RBM47: variants seen among roughly 807,000 people sequenced by gnomAD.
The protein encoded by RBM47 is RNA binding motif protein 47.
A neutral mutation model predicts 47.1 loss-of-function variants in RBM47; 21 were observed. The ratio of observed to expected loss-of-function variants is 0.45; its 90% CI spans 0.32 to 0.64. The LOEUF (loss-of-function observed/expected upper bound fraction) is 0.64, where lower values mean the gene tolerates loss of function less well. Ranked by LOEUF, RBM47 falls within the 30% of genes least tolerant of loss-of-function variation. The probability of loss-of-function intolerance (pLI) is 0.05; values close to 1 mark genes in which losing one functional copy is unlikely to be tolerated. For missense variants in RBM47, 708 were observed against 870.9 expected (o/e 0.81, Z 2.35); for synonymous variants, 375 against 361.7 (o/e 1.04, Z -0.42).
Position 40,436,195 on chromosome 4 carries a change from C to CA in RBM47, c.1330+245dup, listed in dbSNP as rs1346563465. Among the ~76,000 whole-genome samples, 13 of 46,346 alleles carry CA rather than the reference C, an allele frequency of 2.8e-4. 1 individual carries two copies. Among genetic ancestry groups the CA allele is most frequent in the South Asian group, 9.1e-4 (1 of 1,102 alleles). 30.4% of individuals were successfully genotyped at this position (46,346 alleles called of 152,430 possible). On this transcript the variant is annotated intron_variant, in intron 5 of 6. Transcript: ENST00000295971. ...TCAAAAAAAAAAAAAAACAAACAAACAAACAAACAAAAAAAAACCTTACTC... is the reference window on the plus strand; with the variant it reads ...TCAAAAAAAAAAAAAAACAAACAAACAAAACAAACAAAAAAAAACCTTACTC...
intron 2 of RBM47, among the ~76,000 whole-genome samples, chr4:40,513,940 A>G (rs1200840277): frequency 6.6e-6 from 1 of 152,002 alleles, no homozygotes; most frequent in Admixed American, 6.6e-5. Context: ...GCTCGTCTCG[A>G]ACTCCTGACC....
At chr4:40,612,905 T>C (rs1736384447) in intron 1 of RBM47, among the ~76,000 whole-genome samples, 1 of 152,232 alleles carries the variant, frequency 6.6e-6, no homozygotes, top group Admixed American at 6.5e-5. Context: ...TAATTTATTA[T>C]GGAAACTTAG....
At chr4:40,445,290 AAAGAC>A (rs1219999927) in intron 3 of RBM47, among the ~76,000 whole-genome samples, 1 of 151,954 alleles carries the variant, frequency 6.6e-6, no homozygotes, top group Non-Finnish European at 1.5e-5. Context: ...AAAAAAAAAA[AAAGAC>A]AGTGTTGTTT....
chr4:40,593,633 C>T (rs1388121304), intron 1 of RBM47, among the ~76,000 whole-genome samples: 1 of 152,064 alleles, frequency 6.6e-6, no homozygotes, highest in Non-Finnish European at 1.5e-5. Context: ...GTAATCCCAG[C>T]ACTTTGGGAG....
At chr4:40,451,940 C>G (rs1226819559) in intron 3 of RBM47, among the ~76,000 whole-genome samples, 1 of 152,104 alleles carries the variant, frequency 6.6e-6, no homozygotes, top group South Asian at 2.1e-4. Context: ...GAGGCCAAGG[C>G]GGGCAGATTG....
chr4:40,589,263 C>T (rs1009932615), intron 1 of RBM47, among the ~76,000 whole-genome samples: 6 of 151,648 alleles, frequency 4.0e-5, no homozygotes, highest in Non-Finnish European at 5.9e-5. Flanking sequence ...CCACAGCACC[C>T]GGCCCAAAGG....
chr4:40,558,595 A>C (rs1730319358), intron 1 of RBM47, among the ~76,000 whole-genome samples: 1 of 151,270 alleles, frequency 6.6e-6, no homozygotes, highest in Admixed American at 6.6e-5. Flanking sequence ...TGGGAGGCTG[A>C]GGTTGGCAAA....
rs560956382 is a variant in RBM47 at position 40,538,427 on chromosome 4, A to G, written c.-155+5995T>C. Among the ~76,000 whole-genome samples, 12 of 151,040 alleles carry G rather than the reference A, an allele frequency of 7.9e-5. No homozygotes were observed. In the South Asian group the frequency reaches 2.5e-3, roughly 32 times the overall value. On this transcript the variant is annotated intron_variant, in intron 2 of 6. Coordinates refer to ENST00000295971, the MANE Select transcript of RBM47 (RefSeq NM_001098634.2). Reference sequence around the variant, plus strand: ...CTGCAACCTCCGCCTCCCGGGTTCAAGCGATTCTCCTGTCCCAGCCTCCCA... The same window carrying G: ...CTGCAACCTCCGCCTCCCGGGTTCAGGCGATTCTCCTGTCCCAGCCTCCCA...
intron 2 of RBM47, among the ~76,000 whole-genome samples, chr4:40,500,329 G>C (rs1382998613): frequency 6.6e-6 from 1 of 150,988 alleles, no homozygotes; most frequent in African/African-American, 2.4e-5. Context: ...AAAAAAAAAA[G>C]GGCTGGACTC....
chr4:40,486,993 C>T (rs952710245), intron 2 of RBM47, among the ~76,000 whole-genome samples: 2 of 152,106 alleles, frequency 1.3e-5, no homozygotes, highest in African/African-American at 4.8e-5. Context: ...ATTTTGGATC[C>T]TAAAGTCAAG....
intron 6 of RBM47, among the ~76,000 whole-genome samples, chr4:40,431,650 T>A (rs1397654575): frequency 1.8e-5 from 1 of 54,222 alleles, no homozygotes; most frequent in African/African-American, 8.2e-5. Context: ...AGAGCGAGAC[T>A]CCGTCTAAAA....
At chr4:40,439,996 C>T (rs1056026753) in intron 3 of RBM47, among the ~76,000 whole-genome samples, 3 of 152,166 alleles carry the variant, frequency 2.0e-5, no homozygotes, top group South Asian at 4.1e-4. Flanking sequence ...TAAACAGCCA[C>T]GTATCACAGT....
intron 2 of RBM47, among the ~76,000 whole-genome samples, chr4:40,497,479 G>T (rs367829342): frequency 5.3e-5 from 8 of 151,522 alleles, no homozygotes; most frequent in East Asian, 1.9e-4. Context: ...TGAGTTGAGC[G>T]TGGTAGTGTG....
In RBM47 at chr4:40,629,711, CCA is replaced by C. The variant is rs1413611402; in HGVS notation, c.-557_-556del. ...TTCTCTCTATCCCAAGCTGCACATTCCACAGTGGAAAGCGGGAGCGGCGACCC... is the reference window on the plus strand; with the variant it reads ...TTCTCTCTATCCCAAGCTGCACATTCCAGTGGAAAGCGGGAGCGGCGACCC... On this transcript the variant is annotated 5_prime_UTR_variant, in exon 1 of 7. Transcript: ENST00000295971. The C allele has an allele frequency of 6.6e-6, 1 of 152,212 alleles. No individual in the cohort carries two copies. Among genetic ancestry groups the C allele is most frequent in the Non-Finnish European group, 1.5e-5 (1 of 68,028 alleles). 9.4% of individuals were successfully genotyped at this position (152,212 alleles called of 1,614,324 possible). A position where few individuals can be genotyped will look rare whatever the true frequency, so the allele number is the denominator to read the frequency against.
chr4:40,529,879 T>A (rs1727205862), intron 2 of RBM47, among the ~76,000 whole-genome samples: 2 of 142,730 alleles, frequency 1.4e-5, no homozygotes, highest in African/African-American at 2.6e-5. Flanking sequence ...TAAATAAATA[T>A]TAAAATAAAA....
Position 40,567,119 on chromosome 4 carries a change from T to G in RBM47, c.-239-22613A>C, listed in dbSNP as rs550526752. Among the ~76,000 whole-genome samples, 6 of 152,056 alleles carry G rather than the reference T, an allele frequency of 3.9e-5. 1 individual carries two copies. Among genetic ancestry groups the G allele is most frequent in the African/African-American group, 1.4e-4 (6 of 41,514 alleles). On this transcript the variant is annotated intron_variant, in intron 1 of 6. Coordinates refer to ENST00000295971, the MANE Select transcript of RBM47 (RefSeq NM_001098634.2). ...TAATAGTGATCCATGTTCACACAGT[T>G]AGATTGTAACATAATTAAGATTTGA...
chr4:40,534,453 C>T (rs1347246885), intron 2 of RBM47, among the ~76,000 whole-genome samples: 1 of 152,142 alleles, frequency 6.6e-6, no homozygotes, highest in Non-Finnish European at 1.5e-5. Flanking sequence ...CCCACCAATA[C>T]ATTTTATAAT....
chr4:40,458,711 A>G (rs1716652451), intron 3 of RBM47, among the ~76,000 whole-genome samples: 1 of 152,122 alleles, frequency 6.6e-6, no homozygotes, highest in South Asian at 2.1e-4. Flanking sequence ...TATTCATTGC[A>G]TTGTTTCAAT....
In RBM47 at chr4:40,438,515, C is replaced by G; in HGVS notation, c.379G>C (p.Ala127Pro). ...TCGTAGTTGTTGAGCTCACGCACTG[C>G]GCGCTTGGCCTCGTGCTTGTGGCAG... ...MYCHKHEAKR[A>P]VRELNNYEIR... The change falls in exon 4 of 7, where the codon GCA (alanine) becomes CCA (proline). Residue 127 changes from alanine (A) to proline (P), a missense_variant. Ala to Pro is a conservative substitution (Grantham distance 27). Transcript: ENST00000295971. 1.2e-6 allele frequency: 2 copies of G among 1,613,750 alleles called. No individual in the cohort carries two copies. The highest frequency in any genetic ancestry group is 1.7e-6 in the Non-Finnish European group (2 of 1,179,916).
Sources: gnomAD v4.1 joint callset for allele counts (sites outside exome capture counted in the v4.1 genomes callset) on GRCh38, gnomAD v4.1.1 for gene constraint, MANE v1.5 for transcripts, NCBI Gene and HGNC (gene_info 2026-07-23, HGNC 2026-07-21) for gene names.